The following CTNNA2 variants were observed in gnomAD, a reference collection of about 807,000 sequenced individuals.
CTNNA2 encodes catenin alpha 2, also known as catenin alpha-2.
In CTNNA2, 42 loss-of-function variants were observed where a neutral mutation model predicts 101.0. The observed-to-expected ratio is 0.42, with a 90% CI of 0.32 to 0.54. CTNNA2 has a LOEUF of 0.54. Among genes scored for constraint, CTNNA2 ranks in the 20% least tolerant of loss-of-function variants. The pLI, the probability that CTNNA2 is intolerant of heterozygous loss-of-function variation, is 0.14. For synonymous variants in CTNNA2, 450 were observed against 456.4 expected, an observed-to-expected ratio of 0.99 and a Z score of 0.18; for missense variants, 871 against 1,223.1, an observed-to-expected ratio of 0.71 and a Z score of 4.29.
At chr2:80,407,985 C>A (rs1381120221) in intron 8 of CTNNA2, among the ~76,000 whole-genome samples, 1 of 152,150 alleles carries the variant, frequency 6.6e-6, no homozygotes, top group Non-Finnish European at 1.5e-5. Flanking sequence ...GTGTTGAGTC[C>A]TTTACTGACC....
At chr2:80,637,711 C>T (rs764305453) in intron 18 of CTNNA2, among the ~76,000 whole-genome samples, 1 of 152,044 alleles carries the variant, frequency 6.6e-6, no homozygotes, top group African/African-American at 2.4e-5. Context: ...ATGAATAATG[C>T]CACATTAGAA....
At chr2:79,888,618 A>G (rs999794490) in intron 6 of CTNNA2, among the ~76,000 whole-genome samples, 9 of 152,144 alleles carry the variant, frequency 5.9e-5, no homozygotes, top group Admixed American at 5.9e-4. Flanking sequence ...ATTGCAATTT[A>G]TATCTTGATT....
At chr2:79,301,723 G>A (rs993355095) in intron 2 of CTNNA2, among the ~76,000 whole-genome samples, 1 of 152,072 alleles carries the variant, frequency 6.6e-6, no homozygotes, top group African/African-American at 2.4e-5. Context: ...TTCCCAATAG[G>A]AGACTATGAG....
In CTNNA2 at chr2:80,302,693, G is replaced by C. The variant is rs756907531; in HGVS notation, c.1057-90518G>C. On this transcript the variant is annotated intron_variant, in intron 7 of 18. Coordinates refer to ENST00000402739, the MANE Select transcript of CTNNA2 (RefSeq NM_001282597.3). The surrounding 1 kb of genome is among the most constrained non-coding windows in gnomAD (Gnocchi z 6.4). ...CAGATCACTGCGGTTGGTGACGGCC[G>C]AGAGCAGGTGGCCGCTGGTGGGCTC... 2.5e-6 allele frequency: 4 copies of C among 1,612,430 alleles called. No individual in the cohort carries two copies. The highest frequency in any genetic ancestry group is 2.7e-5 in the African/African-American group (2 of 74,944).
chr2:79,916,260 C>A (rs1686194680), intron 7 of CTNNA2, among the ~76,000 whole-genome samples: 1 of 152,120 alleles, frequency 6.6e-6, no homozygotes, highest in African/African-American at 2.4e-5. Context: ...GCCCTGCATT[C>A]TAACGCAAAA....
chr2:80,309,078 G>A (rs1375583943), intron 7 of CTNNA2, among the ~76,000 whole-genome samples: 1 of 151,940 alleles, frequency 6.6e-6, no homozygotes, highest in Non-Finnish European at 1.5e-5. Flanking sequence ...AACAGAGTGA[G>A]ACTCTGTCTC....
chr2:79,380,804 T>C (rs1678029829), intron 4 of CTNNA2, among the ~76,000 whole-genome samples: 1 of 152,170 alleles, frequency 6.6e-6, no homozygotes, highest in Non-Finnish European at 1.5e-5. Context: ...TCCTGAAAAT[T>C]ACATTGCAAA....
chr2:79,744,685 C>G, intron 3 of CTNNA2, 103 bp downstream of exon 3: 1 of 1,115,994 alleles, frequency 9.0e-7, no homozygotes, highest in South Asian at 1.9e-5. Flanking sequence ...AGAAGTCTTA[C>G]GTTTTTTTCC....
At chr2:79,864,623 G>A (rs1229954009) in intron 4 of CTNNA2, among the ~76,000 whole-genome samples, 1 of 152,184 alleles carries the variant, frequency 6.6e-6, no homozygotes, top group Non-Finnish European at 1.5e-5. Flanking sequence ...CTAAGACAAT[G>A]GCAGTGTTTA....
chr2:80,403,673 C>G (rs1400219543), intron 8 of CTNNA2, among the ~76,000 whole-genome samples: 1 of 152,136 alleles, frequency 6.6e-6, no homozygotes, highest in African/African-American at 2.4e-5. Flanking sequence ...AGAAACTGTG[C>G]CCAGAACAGG....
At chr2:79,504,044 A>G (rs557755775) in intron 4 of CTNNA2, among the ~76,000 whole-genome samples, 1 of 152,146 alleles carries the variant, frequency 6.6e-6, no homozygotes, top group East Asian at 1.9e-4. Flanking sequence ...AGGCTACTCC[A>G]CTAAGGACTC....
intron 7 of CTNNA2, among the ~76,000 whole-genome samples, chr2:79,990,127 G>A (rs915790193): frequency 3.5e-4 from 54 of 152,252 alleles, no homozygotes; most frequent in Non-Finnish European, 6.6e-4. Flanking sequence ...CTGAGGATTA[G>A]GGATAGGACA....
At chr2:79,812,541 T>C (rs1394897202) in intron 3 of CTNNA2, among the ~76,000 whole-genome samples, 1 of 152,230 alleles carries the variant, frequency 6.6e-6, no homozygotes, top group Non-Finnish European at 1.5e-5. Context: ...AAAGATTTCA[T>C]GGTCAAGCTT....
At chr2:79,617,050 C>T (rs745507932) in intron 1 of CTNNA2, among the ~76,000 whole-genome samples, 13 of 151,930 alleles carry the variant, frequency 8.6e-5, no homozygotes, top group African/African-American at 1.2e-4. Flanking sequence ...TACAGGTGTG[C>T]GCCACCATAC....
At chr2:80,513,159 A>G (rs1688846163) in intron 9 of CTNNA2, among the ~76,000 whole-genome samples, 1 of 152,174 alleles carries the variant, frequency 6.6e-6, no homozygotes, top group South Asian at 2.1e-4. Context: ...CATGGTCCAC[A>G]CCAGAGGGGG....
intron 7 of CTNNA2, among the ~76,000 whole-genome samples, chr2:80,375,399 T>G (rs7593219): frequency 0.21 from 31,507 of 151,798 alleles, 3,373 homozygotes; most frequent in East Asian, 0.38. Flanking sequence ...GTTGTGGGGA[T>G]AGGGGTGGAT....
At chr2:79,296,523 T>A (rs1459365557) in intron 2 of CTNNA2, among the ~76,000 whole-genome samples, 1 of 152,198 alleles carries the variant, frequency 6.6e-6, no homozygotes, top group Admixed American at 6.5e-5. Context: ...TGCATTTATT[T>A]ACTACACTTA....
chr2:80,073,004 C>A (rs575542631), intron 7 of CTNNA2, among the ~76,000 whole-genome samples: 1 of 152,152 alleles, frequency 6.6e-6, no homozygotes, highest in African/African-American at 2.4e-5. Flanking sequence ...AAGGAAAAAA[C>A]TGGTTTTCAT....
chr2:79,638,737 C>A (rs897473709), intron 1 of CTNNA2, among the ~76,000 whole-genome samples: 1 of 152,156 alleles, frequency 6.6e-6, no homozygotes, highest in African/African-American at 2.4e-5. Flanking sequence ...AACTCACCAG[C>A]ACATGTGTAG....
Sources: allele counts gnomAD v4.1 joint callset (sites outside exome capture counted in the v4.1 genomes callset), GRCh38; gene constraint gnomAD v4.1.1; non-coding constraint Gnocchi (gnomAD v3.1); transcripts MANE v1.5; gene names NCBI Gene and HGNC (gene_info 2026-07-23, HGNC 2026-07-21).